NDUFA5: variants seen among roughly 807,000 people sequenced by gnomAD.
NDUFA5 encodes NADH:ubiquinone oxidoreductase subunit A5.
NDUFA5 carries 11 observed loss-of-function variants against 19.8 expected under a neutral mutation model. The ratio of observed to expected loss-of-function variants is 0.56; its 90% CI spans 0.35 to 0.92. The LOEUF is 0.92. Among genes scored for constraint, NDUFA5 ranks in the 40% least tolerant of loss-of-function variants. The probability of loss-of-function intolerance (pLI) is 0.01; values close to 1 mark genes in which losing one functional copy is unlikely to be tolerated. For synonymous variants in NDUFA5, 47 were observed against 46.8 expected (o/e 1.00, Z -0.01); for missense variants, 109 against 134.2 (o/e 0.81, Z 0.93).
At chr7:123,550,132 C>T in intron 3 of NDUFA5, 1 of 181,086 alleles carries the variant, frequency 5.5e-6, no homozygotes, top group South Asian at 1.2e-4. Flanking sequence ...TTTTATTGTT[C>T]TCTAAGATTA....
chr7:123,592,178 T>C, the NDUFA5 span, among the ~76,000 whole-genome samples: 1 of 152,192 alleles, frequency 6.6e-6, no homozygotes, highest in African/African-American at 2.4e-5. Flanking sequence ...TCTATTTGAT[T>C]CTTATCTCTT....
Position 123,544,498 on chromosome 7 carries a change from CAAA to C in NDUFA5, c.249+1110_249+1112del, listed in dbSNP as rs754788912. 8.4e-3 allele frequency among the ~76,000 whole-genome samples: 612 copies of C among 72,928 alleles called. 5 individuals carry two copies. Among genetic ancestry groups the C allele is most frequent in the African/African-American group, 0.027 (526 of 19,136 alleles). 47.8% of individuals were successfully genotyped at this position (72,928 alleles called of 152,430 possible). A position where few individuals can be genotyped will look rare whatever the true frequency, so the allele number is the denominator to read the frequency against. On this transcript the variant is annotated intron_variant, in intron 4 of 4. Coordinates refer to ENST00000355749, the MANE Select transcript of NDUFA5 (RefSeq NM_005000.5). ...GGGCAACAAGAGCAAAACTCCATCT[CAAA>C]AAAAAAAAAAAAAAAAAAATTGAAA...
Position 123,546,832 on chromosome 7 carries a change from A to C in NDUFA5, c.184-1156T>G, listed in dbSNP as rs539018757. 5.6e-6 allele frequency: 3 copies of C among 536,050 alleles called. No homozygotes were observed. In the African/African-American group the frequency reaches 5.8e-5, roughly 10 times the overall value. The allele number at this position is 536,050 out of a possible 1,614,324, so 33.2% of individuals were successfully genotyped here. A position where few individuals can be genotyped will look rare whatever the true frequency, so the allele number is the denominator to read the frequency against. ...ATTATGATAGGCTGAAAAATACCACAAAAGATATACATGTATTAATTTCTA... is the reference window on the plus strand; with the variant it reads ...ATTATGATAGGCTGAAAAATACCACCAAAGATATACATGTATTAATTTCTA... On this transcript the variant is annotated intron_variant, in intron 3 of 4. Coordinates refer to ENST00000355749, the MANE Select transcript of NDUFA5 (RefSeq NM_005000.5).
At chr7:123,568,352 A>C in the NDUFA5 span, among the ~76,000 whole-genome samples, 1 of 146,054 alleles carries the variant, frequency 6.8e-6, no homozygotes, top group Non-Finnish European at 1.5e-5. Flanking sequence ...ATCTCTACTA[A>C]AAAAAAAAAA....
chr7:123,589,160 A>G, the NDUFA5 span, among the ~76,000 whole-genome samples: 1 of 151,564 alleles, frequency 6.6e-6, no homozygotes, highest in Non-Finnish European at 1.5e-5. Context: ...CCCTACTATT[A>G]TTGTCTATTT....
intron 2 of NDUFA5, among the ~76,000 whole-genome samples, chr7:123,554,216 T>A (rs1798455865): frequency 1.3e-5 from 2 of 152,348 alleles, no homozygotes; most frequent in Non-Finnish European, 2.9e-5. Context: ...AATTTTTTTA[T>A]TATATACTGA....
chr7:123,558,427 T>C (rs1798638525), upstream of NDUFA5, among the ~76,000 whole-genome samples: 1 of 152,208 alleles, frequency 6.6e-6, no homozygotes. Context: ...CCACTCACTA[T>C]GTGTCAGTTA....
the NDUFA5 span, among the ~76,000 whole-genome samples, chr7:123,570,545 A>T: frequency 6.6e-6 from 1 of 152,138 alleles, no homozygotes; most frequent in Non-Finnish European, 1.5e-5. Context: ...CAAACACACT[A>T]AGAAACTGGC....
At chr7:123,582,275 G>C in the NDUFA5 span, among the ~76,000 whole-genome samples, 1 of 151,832 alleles carries the variant, frequency 6.6e-6, no homozygotes, top group Non-Finnish European at 1.5e-5. Flanking sequence ...TGGGAGATGG[G>C]GAGGGGGGGT....
At chr7:123,570,882 A>G in the NDUFA5 span, among the ~76,000 whole-genome samples, 13 of 152,188 alleles carry the variant, frequency 8.5e-5, no homozygotes, top group East Asian at 2.5e-3. Flanking sequence ...AAAACTGAAA[A>G]GAACTCTCAG....
the NDUFA5 span, among the ~76,000 whole-genome samples, chr7:123,589,618 G>T: frequency 1.3e-5 from 2 of 151,970 alleles, no homozygotes; most frequent in Non-Finnish European, 2.9e-5. Flanking sequence ...GTGGTTTCCA[G>T]CTTTATCCAT....
At chr7:123,601,101 G>A in the NDUFA5 span, among the ~76,000 whole-genome samples, 1 of 152,176 alleles carries the variant, frequency 6.6e-6, no homozygotes, top group Admixed American at 6.5e-5. Context: ...TGTGAGTGCC[G>A]ATGGTGGCCT....
chr7:123,560,184 T>C (rs756368629), upstream of NDUFA5, among the ~76,000 whole-genome samples: 11 of 152,168 alleles, frequency 7.2e-5, no homozygotes, highest in African/African-American at 9.6e-5. Flanking sequence ...GAGAAATTTT[T>C]CAACCTGATA....
chr7:123,593,291 T>C, the NDUFA5 span, among the ~76,000 whole-genome samples: 1 of 152,318 alleles, frequency 6.6e-6, no homozygotes, highest in Admixed American at 6.5e-5. Flanking sequence ...AATATTGTTA[T>C]GTGTGAGTTT....
At chr7:123,574,497 A>G in the NDUFA5 span, among the ~76,000 whole-genome samples, 13 of 152,186 alleles carry the variant, frequency 8.5e-5, no homozygotes, top group African/African-American at 3.1e-4. Context: ...TTCTCAGGTG[A>G]TGATAATGAT....
the NDUFA5 span, among the ~76,000 whole-genome samples, chr7:123,570,622 C>T: frequency 6.6e-6 from 1 of 152,170 alleles, no homozygotes; most frequent in Admixed American, 6.5e-5. Flanking sequence ...TGAAATGACT[C>T]ACCTTGACAA....
chr7:123,553,700 T>C (rs1798438787), intron 2 of NDUFA5, among the ~76,000 whole-genome samples: 1 of 152,206 alleles, frequency 6.6e-6, no homozygotes, highest in South Asian at 2.1e-4. Flanking sequence ...TTACACTGGC[T>C]CCACTCCTTA....
chr7:123,542,500 C>CAAGTTCATAATCAAA lies in NDUFA5; in HGVS notation c.250-281_250-280insTTTGATTATGAACTT, dbSNP rs1309885838. On this transcript the variant is annotated intron_variant, in intron 4 of 4. Coordinates refer to ENST00000355749, the MANE Select transcript of NDUFA5 (RefSeq NM_005000.5). ...GGTTTTTTATCTTAATAATATTTCA[C>CAAGTTCATAATCAAA]AAGTTTTTTGAGCATCAGAAGTATG... is the stretch of plus-strand genomic sequence containing the variant. 3.3e-5 allele frequency among the ~76,000 whole-genome samples: 5 copies of CAAGTTCATAATCAAA among 152,216 alleles called. No individual in the cohort carries two copies. In the East Asian group the frequency reaches 7.7e-4, roughly 23 times the overall value.
At chr7:123,572,786 A>G in the NDUFA5 span, among the ~76,000 whole-genome samples, 6 of 150,968 alleles carry the variant, frequency 4.0e-5, no homozygotes, top group Non-Finnish European at 8.9e-5. Flanking sequence ...GATGAGTTTT[A>G]TACATTTGTT....
Sources: gnomAD v4.1 joint callset for allele counts (sites outside exome capture counted in the v4.1 genomes callset) on GRCh38, gnomAD v4.1.1 for gene constraint, MANE v1.5 for transcripts, NCBI Gene and HGNC (gene_info 2026-07-23, HGNC 2026-07-21) for gene names.